Variants in FANCA observed in about 807,000 individuals in gnomAD.
FANCA encodes the protein FA complementation group A.
A neutral mutation model predicts 194.3 loss-of-function variants in FANCA; 236 were observed. The observed-to-expected ratio is 1.21, with a 90% confidence interval of 1.09 to 1.35. The LOEUF is 1.35. FANCA is among the 40% of genes most tolerant of loss of function. FANCA has a pLI of 0.00. For missense variants in FANCA, 2,628 were observed against 1,813.9 expected, an observed-to-expected ratio of 1.45 and a Z score of -8.15; for synonymous variants, 1,014 against 715.8, an observed-to-expected ratio of 1.42 and a Z score of -6.65.
At position 89,744,970 on chromosome 16, in the gene FANCA, C is replaced by G; in HGVS notation, c.3615G>C (p.Gln1205His). 6.2e-7 allele frequency: 1 copy of G among 1,611,912 alleles called. No individual in the cohort carries two copies. Among genetic ancestry groups the G allele is most frequent in the Non-Finnish European group, 8.5e-7 (1 of 1,179,832 alleles). Residue 1205 changes from glutamine to histidine, a missense_variant, in exon 36 of 43, where the codon CAG becomes CAC. Coordinates refer to ENST00000389301, the MANE Select transcript of FANCA (RefSeq NM_000135.4). The stretch of plus-strand genomic sequence containing the variant: ...CCACCCACACGTACTCGCTGGCAAA[C>G]TGCCGGCCTTCTTGTAGCTTCTGCA... ...RELQKLQEGR[Q>H]FASDFLSPEA...
intron 27 of FANCA, among the ~76,000 whole-genome samples, chr16:89,765,680 C>T (rs1406442283): frequency 1.3e-5 from 2 of 152,258 alleles, no homozygotes; most frequent in African/African-American, 4.8e-5. Context: ...GTGACCGTGT[C>T]CATCTCTGCC....
At chr16:89,778,695 A>G in intron 20 of FANCA, 106 bp downstream of exon 20, 1 of 1,083,678 alleles carries the variant, frequency 9.2e-7, no homozygotes, top group Non-Finnish European at 1.4e-6. Flanking sequence ...TTTACCAATA[A>G]AACACAATAG....
intron 14 of FANCA, among the ~76,000 whole-genome samples, chr16:89,785,761 G>C (rs2039873030): frequency 6.6e-6 from 1 of 151,924 alleles, no homozygotes; most frequent in African/African-American, 2.4e-5. Context: ...ACATCCTGGT[G>C]AAACCTCAGC....
chr16:89,785,139 G>T (rs1203668680), intron 14 of FANCA, among the ~76,000 whole-genome samples, 175 bp from the exon 15 acceptor site: 1 of 152,184 alleles, frequency 6.6e-6, no homozygotes, highest in African/African-American at 2.4e-5. Context: ...CAGTGTCCGG[G>T]CGGCTGCTGT....
In FANCA at chr16:89,791,280, G is replaced by C. The variant is rs17232609; in HGVS notation, c.1359+123C>G. The C allele has an allele frequency of 9.6e-4, 1,304 of 1,359,520 alleles. 27 individuals carry two copies. In the Admixed American group the frequency reaches 0.024, roughly 25 times the overall value. 84.2% of individuals were successfully genotyped at this position (1,359,520 alleles called of 1,614,324 possible). On this transcript the variant is annotated intron_variant, in intron 14 of 42. Coordinates refer to ENST00000389301, the MANE Select transcript of FANCA (RefSeq NM_000135.4). ...AGAGGAAGATCTGCCAAGGCCACTC[G>C]GCAAAGCTGACAGCAAGGTTGCTCA...
chr16:89,786,631 T>C (rs781029972), intron 14 of FANCA, among the ~76,000 whole-genome samples: 1 of 151,358 alleles, frequency 6.6e-6, no homozygotes, highest in Admixed American at 6.6e-5. Flanking sequence ...GTAGATTCTT[T>C]TGAATGTTAT....
intron 11 of FANCA, among the ~76,000 whole-genome samples, chr16:89,795,033 C>G (rs978621181): frequency 2.0e-5 from 3 of 152,180 alleles, no homozygotes; most frequent in African/African-American, 7.2e-5. Flanking sequence ...GCCTGTAATC[C>G]CAGTATTTTG....
intron 11 of FANCA, among the ~76,000 whole-genome samples, chr16:89,794,102 T>C (rs934974475): frequency 6.6e-5 from 10 of 152,176 alleles, no homozygotes; most frequent in African/African-American, 1.7e-4. Context: ...ATATGTACTT[T>C]TTCAGTTATT....
intron 6 of FANCA, among the ~76,000 whole-genome samples, chr16:89,806,807 C>G (rs569935818): frequency 6.6e-6 from 1 of 152,336 alleles, no homozygotes; most frequent in Non-Finnish European, 1.5e-5. Flanking sequence ...CCCTTCCCCC[C>G]TTTGTATTCC....
chr16:89,753,927 C>T (rs757688245), intron 30 of FANCA, among the ~76,000 whole-genome samples: 8 of 152,234 alleles, frequency 5.3e-5, no homozygotes, highest in African/African-American at 1.2e-4. Flanking sequence ...TGTTAGCGGA[C>T]GCCAGTAATC....
At chr16:89,761,862 G>T in intron 29 of FANCA, 87 bp downstream of exon 29, 2 of 1,052,110 alleles carry the variant, frequency 1.9e-6, no homozygotes, top group South Asian at 1.3e-5. Flanking sequence ...CTGGATTCAA[G>T]AGATCTCCTG....
chr16:89,739,829 AT>A, intron 39 of FANCA, 164 bp downstream of exon 39: 1 of 1,480,494 alleles, frequency 6.8e-7, no homozygotes. Context: ...CCAGTAAATT[AT>A]CTTATTGCTT....
chr16:89,784,550 G>C (rs957092221), intron 15 of FANCA, among the ~76,000 whole-genome samples: 2 of 152,122 alleles, frequency 1.3e-5, no homozygotes, highest in African/African-American at 2.4e-5. Context: ...ACTGTTTTGA[G>C]GGAGACTGAA....
At chr16:89,800,024 A>G (rs950701796) in intron 8 of FANCA, among the ~76,000 whole-genome samples, 1 of 152,210 alleles carries the variant, frequency 6.6e-6, no homozygotes, top group Non-Finnish European at 1.5e-5. Context: ...GACTTTACAA[A>G]GAGATCAACT....
chr16:89,764,775 G>A, intron 28 of FANCA, 115 bp downstream of exon 28: 1 of 1,243,590 alleles, frequency 8.0e-7, no homozygotes, highest in Non-Finnish European at 1.2e-6. Flanking sequence ...CTCGGGACGT[G>A]GCATGATGCA....
intron 6 of FANCA, among the ~76,000 whole-genome samples, chr16:89,806,016 G>A (rs530079945): frequency 1.3e-5 from 2 of 151,918 alleles, no homozygotes; most frequent in Non-Finnish European, 1.5e-5. Flanking sequence ...AAGTTCAAGC[G>A]ATTCTCCTGC....
At chr16:89,787,059 G>A (rs2039921863) in intron 14 of FANCA, among the ~76,000 whole-genome samples, 1 of 152,226 alleles carries the variant, frequency 6.6e-6, no homozygotes, top group South Asian at 2.1e-4. Flanking sequence ...ACACGCGCAA[G>A]CCAGACCTGG....
rs530746754 is a variant in FANCA at position 89,757,140 on chromosome 16, T to A, written c.2981+1437A>T. Among the ~76,000 whole-genome samples, 12 of 152,114 alleles carry A rather than the reference T, an allele frequency of 7.9e-5. No homozygotes were observed. In the East Asian group the frequency reaches 1.7e-3, roughly 22 times the overall value. On this transcript the variant is annotated intron_variant, in intron 30 of 42. Transcript: ENST00000389301. Reference sequence around the variant, plus strand: ...ATAGGCACACACTACCATGCCTGGCTAATTTTTTTTTTTGTCTAGACGGTT... The same window carrying A: ...ATAGGCACACACTACCATGCCTGGCAAATTTTTTTTTTTGTCTAGACGGTT...
At chr16:89,809,962 G>A (rs377616542) in intron 5 of FANCA, among the ~76,000 whole-genome samples, 4 of 151,980 alleles carry the variant, frequency 2.6e-5, no homozygotes, top group South Asian at 4.2e-4. Context: ...GGAGGCAGAC[G>A]TTGCAGTGAG....
Sources: gnomAD v4.1 joint callset for allele counts (sites outside exome capture counted in the v4.1 genomes callset) on GRCh38, gnomAD v4.1.1 for gene constraint, MANE v1.5 for transcripts, NCBI Gene and HGNC (gene_info 2026-07-23, HGNC 2026-07-21) for gene names.